The following ATAD5 variants were observed in gnomAD, a reference collection of about 807,000 sequenced individuals.
The protein encoded by ATAD5 is ATPase family AAA domain containing 5, also known as ATPase family AAA domain-containing protein 5.
Under a neutral mutation model 176.9 loss-of-function variants are expected in ATAD5, and 58 were observed. The ratio of observed to expected loss-of-function variants is 0.33; its 90% confidence interval spans 0.27 to 0.41. The LOEUF (loss-of-function observed/expected upper bound fraction) is 0.41, where lower values mean the gene tolerates loss of function less well. ATAD5 is among the 10% of genes least tolerant of loss of function. The pLI is 1.00. For missense variants in ATAD5, 1,789 were observed against 2,094.1 expected (o/e 0.85, Z 2.84); for synonymous variants, 640 against 712.6 (o/e 0.90, Z 1.62).
In ATAD5 at chr17:30,878,026, T is replaced by G; in HGVS notation, c.3942T>G (p.Asp1314Glu). The change falls in exon 17 of 23, where the codon GAT (aspartate) becomes GAG (glutamate). Residue 1314 changes from aspartate (D) to glutamate (E), a missense_variant. Asp to Glu is a conservative substitution (Grantham distance 45, BLOSUM62 2). Transcript: ENST00000321990. ...AGGTTGATGTAATTTTTGATGAAGA[T>G]GCTGGGTTTTTGAATGCAATCAAAA... The part of the protein sequence containing the change: ...FEEVDVIFDE[D>E]AGFLNAIKTF... 1 of 1,611,310 alleles carries G rather than the reference T, an allele frequency of 6.2e-7. No homozygotes were observed. Among genetic ancestry groups the G allele is most frequent in the Non-Finnish European group, 8.5e-7 (1 of 1,178,346 alleles).
Position 30,832,316 on chromosome 17 carries a change from C to T in ATAD5, c.-32C>T. ...CAGGCCGGGCTGGACCGCGTGAGGT[C>T]CTAGGAGACGGGATTCCGGGAAGCG... On this transcript the variant is annotated 5_prime_UTR_variant, in exon 1 of 23. Transcript: ENST00000321990. 6.5e-7 allele frequency: 1 copy of T among 1,530,032 alleles called. No individual in the cohort carries two copies. The highest frequency in any genetic ancestry group is 1.3e-5 in the South Asian group (1 of 78,702). The allele number at this position is 1,530,032 out of a possible 1,614,324, so 94.8% of individuals were successfully genotyped here. A position where few individuals can be genotyped will look rare whatever the true frequency, so the allele number is the denominator to read the frequency against.
intron 3 of ATAD5, among the ~76,000 whole-genome samples, chr17:30,839,570 C>T (rs867419737): frequency 6.9e-6 from 1 of 144,858 alleles, no homozygotes; most frequent in Non-Finnish European, 1.5e-5. Flanking sequence ...ACACTGCACC[C>T]GGCCATCTTC....
intron 10 of ATAD5, among the ~76,000 whole-genome samples, chr17:30,862,185 T>C (rs1907677137): frequency 6.6e-6 from 1 of 150,942 alleles, no homozygotes; most frequent in South Asian, 2.1e-4. Context: ...AATACAAAAA[T>C]TAACCAGGTG....
intron 5 of ATAD5, among the ~76,000 whole-genome samples, chr17:30,844,604 T>C (rs1906359025): frequency 6.7e-6 from 1 of 149,486 alleles, no homozygotes; most frequent in Non-Finnish European, 1.5e-5. Context: ...AAAAATTAGC[T>C]GGGTGTGGTG....
chr17:30,840,608 T>C lies in ATAD5; in HGVS notation c.2077-9T>C. 11 of 1,469,504 alleles carry C rather than the reference T, an allele frequency of 7.5e-6. No homozygotes were observed. The highest frequency in any genetic ancestry group is 1.0e-5 in the Non-Finnish European group (11 of 1,099,014). 91.0% of individuals were successfully genotyped at this position (1,469,504 alleles called of 1,614,324 possible). ...GTGATGTAAATTAATGTTTCAATTT[T>C]TTGTTTAGGCAAGCAATACTTCAAA... On this transcript the variant is annotated splice_polypyrimidine_tract_variant and intron_variant, in intron 3 of 22. Transcript: ENST00000321990.
intron 18 of ATAD5, among the ~76,000 whole-genome samples, chr17:30,884,809 G>A (rs1027026625): frequency 1.4e-5 from 2 of 142,280 alleles, no homozygotes; most frequent in Admixed American, 1.5e-4. Context: ...GTGCAGTGGT[G>A]CAATCTCGGC....
At chr17:30,856,686 G>A (rs558589020) in intron 7 of ATAD5, among the ~76,000 whole-genome samples, 36 of 152,246 alleles carry the variant, frequency 2.4e-4, no homozygotes, top group African/African-American at 8.7e-4. Flanking sequence ...CCTCCTAAAA[G>A]TTTTAACCTG....
At position 30,878,723 on chromosome 17, in the gene ATAD5, T is replaced by TTTTTTTTTG. The variant is rs1555559788; in HGVS notation, c.4012+635_4012+636insGTTTTTTTT. ...TTAATCAGAAGTTAGGTGGTGTTTT[T>TTTTTTTTTG]TTTTTTTTTTTTTTTTTTTTTTTTT... On this transcript the variant is annotated intron_variant, in intron 17 of 22. Transcript: ENST00000321990. 5.3e-3 allele frequency among the ~76,000 whole-genome samples: 439 copies of TTTTTTTTTG among 82,518 alleles called. 16 individuals carry two copies. Among genetic ancestry groups the TTTTTTTTTG allele is most frequent in the African/African-American group, 0.025 (417 of 16,830 alleles). 54.1% of individuals were successfully genotyped at this position (82,518 alleles called of 152,430 possible). A position where few individuals can be genotyped will look rare whatever the true frequency, so the allele number is the denominator to read the frequency against.
At chr17:30,855,604 A>G (rs754623419) in intron 7 of ATAD5, among the ~76,000 whole-genome samples, 23 of 152,152 alleles carry the variant, frequency 1.5e-4, no homozygotes, top group Non-Finnish European at 2.1e-4. Context: ...TGAGAGGACA[A>G]TGCAGGAGAA....
At chr17:30,861,726 G>C (rs1434830569) in intron 10 of ATAD5, 1 of 151,678 alleles carries the variant, frequency 6.6e-6, no homozygotes, top group Non-Finnish European at 1.5e-5. Flanking sequence ...GGTCCGGGCA[G>C]GTCTTGAACT....
intron 9 of ATAD5, among the ~76,000 whole-genome samples, chr17:30,859,154 G>T (rs1036596368): frequency 1.3e-5 from 2 of 152,144 alleles, no homozygotes; most frequent in African/African-American, 4.8e-5. Context: ...AAAGTATCTT[G>T]TACAATGCAA....
chr17:30,865,657 T>C (rs1907936938), intron 10 of ATAD5, 47 bp from the exon 11 acceptor site: 1 of 1,179,042 alleles, frequency 8.5e-7, no homozygotes. Flanking sequence ...TTCATATATG[T>C]TTATGTCAAG....
At chr17:30,876,284 A>G (rs989136057) in intron 14 of ATAD5, 90 bp from the exon 15 acceptor site, 1 of 1,141,888 alleles carries the variant, frequency 8.8e-7, no homozygotes, top group Non-Finnish European at 1.2e-6. Context: ...TTTAACTGTT[A>G]AGAGTAGAAA....
chr17:30,879,162 C>G (rs989043323), intron 17 of ATAD5, among the ~76,000 whole-genome samples: 1 of 151,840 alleles, frequency 6.6e-6, no homozygotes, highest in African/African-American at 2.4e-5. Flanking sequence ...ATAGTGAGAC[C>G]CCCATCTCTA....
chr17:30,872,089 AT>A (rs1000329367), intron 14 of ATAD5, among the ~76,000 whole-genome samples: 7 of 151,602 alleles, frequency 4.6e-5, no homozygotes, highest in East Asian at 3.9e-4. Flanking sequence ...ATTAAAAGAA[AT>A]TTTTTTTTGT....
intron 3 of ATAD5, among the ~76,000 whole-genome samples, chr17:30,839,800 G>A (rs2142313625): frequency 6.8e-6 from 1 of 147,672 alleles, no homozygotes; most frequent in South Asian, 2.2e-4. Context: ...ACCCAGGGAT[G>A]TCTGGAACTC....
At chr17:30,878,718 G>GTGTTTTTTT (rs1908813405) in intron 17 of ATAD5, among the ~76,000 whole-genome samples, 1 of 56,838 alleles carries the variant, frequency 1.8e-5, no homozygotes. Flanking sequence ...GTTAGGTGGT[G>GTGTTTTTTT]TTTTTTTTTT....
At chr17:30,868,922 C>T (rs1908170804) in intron 12 of ATAD5, among the ~76,000 whole-genome samples, 2 of 148,602 alleles carry the variant, frequency 1.3e-5, no homozygotes, top group Admixed American at 1.3e-4. Flanking sequence ...CTGCAACCTC[C>T]ACCTCCTGGG....
intron 19 of ATAD5, among the ~76,000 whole-genome samples, chr17:30,890,132 G>A (rs755936123): frequency 5.3e-5 from 8 of 151,674 alleles, no homozygotes; most frequent in Non-Finnish European, 1.0e-4. Context: ...CAAGTGATCC[G>A]CCCCTCTTGG....
Sources: gnomAD v4.1 joint callset for allele counts (sites outside exome capture counted in the v4.1 genomes callset) on GRCh38, gnomAD v4.1.1 for gene constraint, MANE v1.5 for transcripts, NCBI Gene and HGNC (gene_info 2026-07-23, HGNC 2026-07-21) for gene names.